Variants in DAB1 observed in about 807,000 individuals in gnomAD.
The protein encoded by DAB1 is DAB adaptor protein 1, also known as disabled homolog 1.
In DAB1, 15 loss-of-function variants were observed where a neutral mutation model predicts 64.6. The observed-to-expected ratio is 0.23, with a 90% confidence interval of 0.16 to 0.36. DAB1 has a LOEUF of 0.36. Ranked by LOEUF, DAB1 falls within the 10% of genes least tolerant of loss-of-function variation. The probability of loss-of-function intolerance (pLI) is 1.00; values close to 1 mark genes in which losing one functional copy is unlikely to be tolerated. For missense variants in DAB1, 596 were observed against 706.7 expected (o/e 0.84, Z 1.78); for synonymous variants, 235 against 251.9 (o/e 0.93, Z 0.64).
chr1:58,256,031 C>T (rs745892319), intron 4 of DAB1, among the ~76,000 whole-genome samples: 13 of 152,138 alleles, frequency 8.5e-5, no homozygotes, highest in Admixed American at 3.9e-4. Context: ...TTTTCTGCAG[C>T]GCCTGTGGCC....
At chr1:58,203,234 T>A (rs964326042) in intron 4 of DAB1, among the ~76,000 whole-genome samples, 1 of 152,218 alleles carries the variant, frequency 6.6e-6, no homozygotes, top group Admixed American at 6.5e-5. Context: ...AACTCTTAAG[T>A]AATGATTTGT....
chr1:57,336,977 C>T (rs972492230), intron 1 of DAB1, among the ~76,000 whole-genome samples: 15 of 152,268 alleles, frequency 9.9e-5, no homozygotes, highest in Admixed American at 8.5e-4. Context: ...ATCAGCTCCT[C>T]TAGGTAGTAC....
At position 58,167,925 on chromosome 1, in the gene DAB1, T is replaced by C. The variant is rs544670074; in HGVS notation, n.310-17337A>G. On this transcript the variant is annotated intron_variant and non_coding_transcript_variant, in intron 4 of 20. Transcript: ENST00000485760. ...ACTTTAAGAACTGTAACACTCACTG[T>C]GAGGGTCCACAGCTTCATTCTTGAA... Among the ~76,000 whole-genome samples, 6 of 152,306 alleles carry C rather than the reference T, an allele frequency of 3.9e-5. 2 individuals carry two copies. Among genetic ancestry groups the C allele is most frequent in the African/African-American group, 1.4e-4 (6 of 41,578 alleles).
chr1:57,869,469 A>G (rs918058157), intron 1 of DAB1, among the ~76,000 whole-genome samples: 3 of 152,140 alleles, frequency 2.0e-5, no homozygotes, highest in Admixed American at 6.6e-5. Flanking sequence ...TCTCCAGGAC[A>G]GTAGAGTCAT....
intron 1 of DAB1, among the ~76,000 whole-genome samples, chr1:58,545,137 T>G (rs568071964): frequency 6.6e-6 from 1 of 152,108 alleles, no homozygotes; most frequent in South Asian, 2.1e-4. Context: ...CACCCATTCC[T>G]AAATTCCAAA....
chr1:58,518,267 AGAGAG>A (rs1194614573), intron 2 of DAB1, among the ~76,000 whole-genome samples: 46 of 874 alleles, frequency 0.053, 18 homozygotes, highest in Admixed American at 0.11. Flanking sequence ...AGGGGAGAGG[AGAGAG>A]GAGAGGAGAA....
intron 6 of DAB1, among the ~76,000 whole-genome samples, chr1:57,787,463 C>T (rs1255442524): frequency 6.6e-6 from 1 of 151,762 alleles, no homozygotes; most frequent in East Asian, 1.9e-4. Context: ...ATTAGATGCC[C>T]ATTTGCAAAG....
intron 4 of DAB1, among the ~76,000 whole-genome samples, chr1:58,226,467 C>T (rs939601505): frequency 2.0e-5 from 3 of 151,398 alleles, no homozygotes; most frequent in Non-Finnish European, 2.9e-5. Context: ...AAGCAGGGCT[C>T]GAGGTGGGTG....
intron 2 of DAB1, among the ~76,000 whole-genome samples, chr1:57,146,224 C>T (rs1399534110): frequency 6.6e-6 from 1 of 152,174 alleles, no homozygotes; most frequent in Non-Finnish European, 1.5e-5. Context: ...TTCCATTTTC[C>T]AGATGATGAA....
At chr1:58,397,893 T>A (rs1018517793) in intron 3 of DAB1, among the ~76,000 whole-genome samples, 1 of 152,118 alleles carries the variant, frequency 6.6e-6, no homozygotes, top group African/African-American at 2.4e-5. Context: ...ATTAAATGAG[T>A]TACTATTTGC....
At chr1:58,296,125 GA>G (rs370538255) in intron 4 of DAB1, among the ~76,000 whole-genome samples, 3 of 80,478 alleles carry the variant, frequency 3.7e-5, no homozygotes, top group East Asian at 3.4e-4. Flanking sequence ...AAGCGAGAAA[GA>G]AAAAAAAGAA....
At chr1:57,845,210 T>C (rs1281995878) in intron 1 of DAB1, among the ~76,000 whole-genome samples, 3 of 152,184 alleles carry the variant, frequency 2.0e-5, no homozygotes, top group South Asian at 4.1e-4. Flanking sequence ...GAAGTGTCCC[T>C]GTGATGAGCA....
At chr1:57,812,670 A>G (rs1027353963) in intron 6 of DAB1, among the ~76,000 whole-genome samples, 3 of 152,212 alleles carry the variant, frequency 2.0e-5, no homozygotes, top group African/African-American at 7.2e-5. Flanking sequence ...TCTCATTCAG[A>G]TTCACAAACA....
At chr1:58,520,266 T>C (rs1454355416) in intron 2 of DAB1, among the ~76,000 whole-genome samples, 1 of 151,570 alleles carries the variant, frequency 6.6e-6, no homozygotes. Context: ...AAATAAAAAA[T>C]AAAAGAGCAA....
chr1:57,002,876 C>T (rs1012535002), intron 14 of DAB1, among the ~76,000 whole-genome samples: 5 of 152,276 alleles, frequency 3.3e-5, no homozygotes, highest in Admixed American at 2.6e-4. Context: ...TAAAATGAGG[C>T]TAGAAATACC....
chr1:57,892,475 G>A (rs1644331112), intron 5 of DAB1, among the ~76,000 whole-genome samples: 1 of 152,144 alleles, frequency 6.6e-6, no homozygotes, highest in African/African-American at 2.4e-5. Context: ...CCATGACATA[G>A]GTCACTATTA....
chr1:57,399,987 C>T (rs912285436), intron 1 of DAB1, among the ~76,000 whole-genome samples: 6 of 152,204 alleles, frequency 3.9e-5, no homozygotes, highest in African/African-American at 1.4e-4. Flanking sequence ...GGGGTACTCA[C>T]TCACTGAATG....
intron 1 of DAB1, among the ~76,000 whole-genome samples, chr1:57,380,815 C>T (rs1681308954): frequency 6.6e-6 from 1 of 152,152 alleles, no homozygotes; most frequent in Non-Finnish European, 1.5e-5. Context: ...GCTTGATGAA[C>T]ATACAATAAA....
intron 5 of DAB1, among the ~76,000 whole-genome samples, chr1:57,895,847 C>T (rs1177495944): frequency 1.3e-5 from 2 of 152,144 alleles, no homozygotes; most frequent in Non-Finnish European, 2.9e-5. Context: ...TTTTAAAAAT[C>T]TCTGCAGAAT....
Sources: gnomAD v4.1 joint callset for allele counts (sites outside exome capture counted in the v4.1 genomes callset) on GRCh38, gnomAD v4.1.1 for gene constraint, MANE v1.5 for transcripts, NCBI Gene and HGNC (gene_info 2026-07-23, HGNC 2026-07-21) for gene names.